RHOU: variants seen among roughly 807,000 people sequenced by gnomAD.
RHOU encodes the protein ras homolog family member U.
A neutral mutation model predicts 12.6 loss-of-function variants in RHOU; 8 were observed. That is an observed-to-expected ratio of 0.64 (90% CI 0.37 to 1.15). The LOEUF is 1.15. Among genes scored for constraint, RHOU ranks in the 50% most tolerant of loss-of-function variants. The pLI, the probability that RHOU is intolerant of heterozygous loss-of-function variation, is 0.01. For synonymous variants in RHOU, 161 were observed against 147.4 expected (o/e 1.09, Z -0.67); for missense variants, 258 against 347.0 (o/e 0.74, Z 2.04).
chr1:228,646,895 G>T, the RHOU span, among the ~76,000 whole-genome samples: 3 of 151,316 alleles, frequency 2.0e-5, no homozygotes, highest in Non-Finnish European at 4.4e-5. Flanking sequence ...GGGAGGGAGA[G>T]AGACAGCGAT....
chr1:228,701,330 A>G, the RHOU span, among the ~76,000 whole-genome samples: 1 of 152,196 alleles, frequency 6.6e-6, no homozygotes, highest in Non-Finnish European at 1.5e-5. Flanking sequence ...TAAAAAGCAA[A>G]AACTTTTACT....
chr1:228,660,292 A>G, the RHOU span, among the ~76,000 whole-genome samples: 40 of 151,974 alleles, frequency 2.6e-4, no homozygotes, highest in Non-Finnish European at 4.9e-4. Flanking sequence ...TGAAAATCTG[A>G]ATAGACTAGT....
chr1:228,698,022 G>A, the RHOU span, among the ~76,000 whole-genome samples: 1 of 152,108 alleles, frequency 6.6e-6, no homozygotes, highest in Non-Finnish European at 1.5e-5. Context: ...ACATTCTGTG[G>A]GTGGTTTGTT....
chr1:228,690,719 G>A, the RHOU span, among the ~76,000 whole-genome samples: 48 of 152,232 alleles, frequency 3.2e-4, no homozygotes, highest in African/African-American at 1.2e-3. Context: ...CTGATTTCAA[G>A]CGATTCTTCT....
the RHOU span, among the ~76,000 whole-genome samples, chr1:228,694,514 C>T: frequency 6.6e-6 from 1 of 152,090 alleles, no homozygotes; most frequent in South Asian, 2.1e-4. Flanking sequence ...TGTGTTGTTC[C>T]CCCACAGGAG....
At chr1:228,736,496 C>G (rs1451611692) in intron 1 of RHOU, among the ~76,000 whole-genome samples, 1 of 152,070 alleles carries the variant, frequency 6.6e-6, no homozygotes, top group African/African-American at 2.4e-5. Flanking sequence ...CTTTAAAGAG[C>G]CGCGGAGACG....
At chr1:228,655,221 A>G in the RHOU span, among the ~76,000 whole-genome samples, 1 of 151,144 alleles carries the variant, frequency 6.6e-6, no homozygotes, top group Non-Finnish European at 1.5e-5. Context: ...TCTCTGCCTC[A>G]GCCTCCCGAG....
At chr1:228,723,144 G>A in the RHOU span, among the ~76,000 whole-genome samples, 1 of 151,784 alleles carries the variant, frequency 6.6e-6, no homozygotes, top group Non-Finnish European at 1.5e-5. Flanking sequence ...CCACTCCGAT[G>A]AGTGGAGGAA....
the RHOU span, among the ~76,000 whole-genome samples, chr1:228,677,782 G>A: frequency 6.6e-6 from 1 of 152,114 alleles, no homozygotes; most frequent in Non-Finnish European, 1.5e-5. Flanking sequence ...GAGGCTTAAG[G>A]GTGGCGATTT....
the RHOU span, among the ~76,000 whole-genome samples, chr1:228,726,536 G>A: frequency 2.0e-5 from 3 of 152,152 alleles, no homozygotes; most frequent in Non-Finnish European, 2.9e-5. Context: ...GTGGTGGCAC[G>A]CGCCTGTAAT....
At chr1:228,707,101 C>T in the RHOU span, among the ~76,000 whole-genome samples, 8 of 79,546 alleles carry the variant, frequency 1.0e-4, no homozygotes, top group East Asian at 6.8e-4. Flanking sequence ...GACATATATA[C>T]ATACATATAT....
the RHOU span, among the ~76,000 whole-genome samples, chr1:228,680,464 T>C: frequency 6.6e-6 from 1 of 152,168 alleles, no homozygotes; most frequent in East Asian, 1.9e-4. Flanking sequence ...GTTCTGAAGT[T>C]TTTTTGTATG....
chr1:228,654,265 T>G, the RHOU span, among the ~76,000 whole-genome samples: 1 of 151,954 alleles, frequency 6.6e-6, no homozygotes, highest in African/African-American at 2.4e-5. Flanking sequence ...CACATCACCA[T>G]GACCAGGTAA....
chr1:228,698,536 G>A, the RHOU span, among the ~76,000 whole-genome samples: 2 of 152,200 alleles, frequency 1.3e-5, no homozygotes, highest in African/African-American at 4.8e-5. Context: ...AGTCTGTTGT[G>A]TAACCACAGT....
chr1:228,693,633 A>AT, the RHOU span, among the ~76,000 whole-genome samples: 2 of 152,106 alleles, frequency 1.3e-5, no homozygotes, highest in South Asian at 2.1e-4. Flanking sequence ...CGGCCGGCTA[A>AT]TTTTTTGTAT....
At chr1:228,733,406 C>G (rs1055444633), upstream of RHOU, among the ~76,000 whole-genome samples, 1 of 152,224 alleles carries the variant, frequency 6.6e-6, no homozygotes, top group Non-Finnish European at 1.5e-5. Context: ...TTCCCAGGCT[C>G]AAGTGATCCT....
the RHOU span, among the ~76,000 whole-genome samples, chr1:228,661,491 A>C: frequency 6.6e-6 from 1 of 152,232 alleles, no homozygotes; most frequent in African/African-American, 2.4e-5. Context: ...ATATAGACCA[A>C]TGGAACAGAA....
the RHOU span, among the ~76,000 whole-genome samples, chr1:228,727,083 C>T: frequency 6.6e-6 from 1 of 152,194 alleles, no homozygotes; most frequent in African/African-American, 2.4e-5. Context: ...AACTCCTTGA[C>T]ACTCTAAGCA....
the RHOU span, among the ~76,000 whole-genome samples, chr1:228,653,578 C>T: frequency 6.6e-6 from 1 of 152,146 alleles, no homozygotes. Flanking sequence ...TTCGGCCTCC[C>T]AAAGTGCTGA....
Sources: gnomAD v4.1 joint callset for allele counts (sites outside exome capture counted in the v4.1 genomes callset) on GRCh38, gnomAD v4.1.1 for gene constraint, MANE v1.5 for transcripts, NCBI Gene and HGNC (gene_info 2026-07-23, HGNC 2026-07-21) for gene names.